Variants in ABHD2 observed in about 807,000 individuals in gnomAD.
ABHD2 encodes the protein monoacylglycerol lipase ABHD2.
ABHD2 carries 20 observed loss-of-function variants against 48.1 expected under a neutral mutation model. That is an observed-to-expected ratio of 0.42 (90% CI 0.29 to 0.60). ABHD2 has a LOEUF of 0.60. Ranked by LOEUF, ABHD2 falls within the 20% of genes least tolerant of loss-of-function variation. ABHD2 has a pLI of 0.24. For synonymous variants in ABHD2, 209 were observed against 214.2 expected, an observed-to-expected ratio of 0.98 and a Z score of 0.21; for missense variants, 405 against 550.9, an observed-to-expected ratio of 0.74 and a Z score of 2.65.
Position 89,164,254 on chromosome 15 carries a change from A to G in ABHD2, c.538+8720A>G, listed in dbSNP as rs1353201712. Among the ~76,000 whole-genome samples the G allele has an allele frequency of 1.3e-5, 2 of 152,182 alleles. No homozygotes were observed. Among genetic ancestry groups the G allele is most frequent in the East Asian group, 3.9e-4 (2 of 5,192 alleles). ...GAGGGTGCACAGTCACAGTCGGTCT[A>G]AGCTTATTGGCTAGGTTTGTCCAAA... On this transcript the variant is annotated intron_variant, in intron 5 of 10. Coordinates refer to ENST00000352732, the MANE Select transcript of ABHD2 (RefSeq NM_152924.5). The surrounding 1 kb of genome is among the most constrained non-coding windows in gnomAD (Gnocchi z 5.0).
chr15:89,152,114 C>T (rs2050602097), intron 4 of ABHD2, among the ~76,000 whole-genome samples: 1 of 150,076 alleles, frequency 6.7e-6, no homozygotes, highest in Non-Finnish European at 1.5e-5. Flanking sequence ...CTCGCTGTGT[C>T]GCCCAGGCTG....
At chr15:89,043,132 A>G in the ABHD2 span, among the ~76,000 whole-genome samples, 7 of 152,330 alleles carry the variant, frequency 4.6e-5, no homozygotes, top group African/African-American at 1.7e-4. Flanking sequence ...CCATGGGAGT[A>G]GCTAGGAAAA....
chr15:89,082,819 A>G (rs1264064666), upstream of ABHD2: 2 of 152,244 alleles, frequency 1.3e-5, no homozygotes, highest in Non-Finnish European at 2.9e-5. The surrounding 1 kb of genome is among the most constrained non-coding windows in gnomAD (Gnocchi z 4.4). Flanking sequence ...GTAAAATAAT[A>G]TAGGGGTCTC....
At chr15:89,150,196 T>A (rs1045746473) in intron 3 of ABHD2, among the ~76,000 whole-genome samples, 1 of 152,266 alleles carries the variant, frequency 6.6e-6, no homozygotes, top group African/African-American at 2.4e-5. Context: ...ATTTCCACTT[T>A]TAATTTATAA....
At chr15:89,194,721 C>A (rs566473591) in intron 10 of ABHD2, among the ~76,000 whole-genome samples, 1 of 152,298 alleles carries the variant, frequency 6.6e-6, no homozygotes, top group Admixed American at 6.5e-5. Context: ...AATCTCAGCT[C>A]CCACTTCAGG....
At position 89,176,212 on chromosome 15, in the gene ABHD2, G is replaced by T. The variant is rs2051010869; in HGVS notation, c.722+217G>T. Among the ~76,000 whole-genome samples the T allele has an allele frequency of 6.6e-6, 1 of 152,146 alleles. No individual in the cohort carries two copies. Among genetic ancestry groups the T allele is most frequent in the African/African-American group, 2.4e-5 (1 of 41,420 alleles). On this transcript the variant is annotated intron_variant, in intron 6 of 10. Transcript: ENST00000352732. This position sits in a 1 kb window ranked among gnomAD's most constrained non-coding sequence, Gnocchi z 4.5. ...CTGGGATATGCAGCTGCGTTTTGGG[G>T]TCAGATCTGTAATTGGAGAAGTAAA...
chr15:89,060,275 G>C, the ABHD2 span, among the ~76,000 whole-genome samples: 359 of 151,552 alleles, frequency 2.4e-3, 3 homozygotes, highest in East Asian at 0.02. Context: ...GTATTTAGTA[G>C]AGACAGGGTT....
intron 3 of ABHD2, among the ~76,000 whole-genome samples, chr15:89,131,184 G>A (rs1236970327): frequency 1.3e-5 from 2 of 152,138 alleles, no homozygotes; most frequent in Non-Finnish European, 2.9e-5. Flanking sequence ...CTCACTGTCT[G>A]TAGGGCGAGG....
chr15:89,055,578 G>A, the ABHD2 span, among the ~76,000 whole-genome samples: 3 of 152,082 alleles, frequency 2.0e-5, no homozygotes, highest in Middle Eastern at 3.4e-3. Context: ...CAAGCGATCC[G>A]CTGGCCTCGG....
At chr15:89,080,127 C>G in the ABHD2 span, among the ~76,000 whole-genome samples, 3 of 152,186 alleles carry the variant, frequency 2.0e-5, no homozygotes, top group Admixed American at 1.3e-4. Flanking sequence ...AGAGCAAAAG[C>G]TACTGCTCTG....
At chr15:89,077,483 A>G in the ABHD2 span, among the ~76,000 whole-genome samples, 2 of 152,180 alleles carry the variant, frequency 1.3e-5, no homozygotes, top group Non-Finnish European at 2.9e-5. Flanking sequence ...CATACTTAAG[A>G]ATGAGAATTA....
Position 89,168,638 on chromosome 15 carries a change from C to T in ABHD2, c.539-7174C>T, listed in dbSNP as rs1214328166. 6.6e-6 allele frequency among the ~76,000 whole-genome samples: 1 copy of T among 152,182 alleles called. No individual in the cohort carries two copies. The highest frequency in any genetic ancestry group is 1.5e-5 in the Non-Finnish European group (1 of 68,022). ...TTGGATTTAATTAAATTGAGGCTCCCAAAGTGCCTACACAATTAGCTGTAA... is the reference window on the plus strand; with the variant it reads ...TTGGATTTAATTAAATTGAGGCTCCTAAAGTGCCTACACAATTAGCTGTAA... On this transcript the variant is annotated intron_variant, in intron 5 of 10. Coordinates refer to ENST00000352732, the MANE Select transcript of ABHD2 (RefSeq NM_152924.5). This position sits in a 1 kb window ranked among gnomAD's most constrained non-coding sequence, Gnocchi z 4.8.
rs1188606912 is a variant in ABHD2, at chr15:89,104,336, CATCTGGGCTTGTTCTCATCCCTGCTGA to C, written c.-106-9386_-106-9360del. ...GAGCAAGTCTCTCCTTTGGCAAAAT[CATCTGGGCTTGTTCTCATCCCTGCTGA>C]ATTGGCAGGGGAGGAGAGGGTCGTG... On this transcript the variant is annotated intron_variant, in intron 1 of 10. Coordinates refer to ENST00000352732, the MANE Select transcript of ABHD2 (RefSeq NM_152924.5). The surrounding 1 kb of genome is among the most constrained non-coding windows in gnomAD (Gnocchi z 4.4). 3 of 152,248 alleles carry C rather than the reference CATCTGGGCTTGTTCTCATCCCTGCTGA, an allele frequency of 2.0e-5. No individual in the cohort carries two copies. Among genetic ancestry groups the C allele is most frequent in the Non-Finnish European group, 2.9e-5 (2 of 68,068 alleles). 9.4% of individuals were successfully genotyped at this position (152,248 alleles called of 1,614,324 possible). A position where few individuals can be genotyped will look rare whatever the true frequency, so the allele number is the denominator to read the frequency against.
At position 89,151,731 on chromosome 15, in the gene ABHD2, T is replaced by C; in HGVS notation, c.249T>C (p.Tyr83=). 1 of 1,614,198 alleles carries C rather than the reference T, an allele frequency of 6.2e-7. No homozygotes were observed. ...GKSGHIQTAL[Y]GKMGRVRSPH... is the part of the protein sequence containing the mutation. Reference sequence around the variant, plus strand: ...GTGGACACATCCAGACAGCCTTGTATGGGAAGATGGGAAGGGTGAGGTCGC... The same window carrying C: ...GTGGACACATCCAGACAGCCTTGTACGGGAAGATGGGAAGGGTGAGGTCGC... The change falls in exon 4 of 11, where the codon TAT becomes TAC. Residue 83 remains tyrosine, a synonymous_variant. Transcript: ENST00000352732. The surrounding 1 kb of genome is among the most constrained non-coding windows in gnomAD (Gnocchi z 4.7).
At chr15:89,043,622 C>T in the ABHD2 span, among the ~76,000 whole-genome samples, 5 of 90,134 alleles carry the variant, frequency 5.5e-5, no homozygotes, top group African/African-American at 8.6e-5. Flanking sequence ...GACGAGGAGG[C>T]GGAAGGAGGA....
chr15:89,046,155 C>A, the ABHD2 span, among the ~76,000 whole-genome samples: 3 of 152,140 alleles, frequency 2.0e-5, no homozygotes, highest in African/African-American at 7.2e-5. Context: ...TTGAGATAAT[C>A]ATGTGGTTTT....
At position 89,148,254 on chromosome 15, in the gene ABHD2, A is replaced by G. The variant is rs184690476; in HGVS notation, c.195-3423A>G. Among the ~76,000 whole-genome samples, 175 of 152,344 alleles carry G rather than the reference A, an allele frequency of 1.1e-3. 1 individual carries two copies. The highest frequency in any genetic ancestry group is 6.8e-3 in the Middle Eastern group (2 of 294). ...AACAATACTTATAAATCAATAGAAA[A>G]ATAGACAAAGGATATCAACAGACAG... On this transcript the variant is annotated intron_variant, in intron 3 of 10. Transcript: ENST00000352732.
At chr15:89,068,178 A>G in the ABHD2 span, among the ~76,000 whole-genome samples, 1 of 139,204 alleles carries the variant, frequency 7.2e-6, no homozygotes, top group Non-Finnish European at 1.5e-5. Context: ...ATTCTTATAC[A>G]TACACACATG....
chr15:89,121,804 TTATCC>T (rs1048113198), intron 3 of ABHD2, among the ~76,000 whole-genome samples: 2 of 152,176 alleles, frequency 1.3e-5, no homozygotes, highest in African/African-American at 4.8e-5. Flanking sequence ...AAAATGCCTC[TTATCC>T]TATAAGAAAA....
Sources: allele counts gnomAD v4.1 joint callset (sites outside exome capture counted in the v4.1 genomes callset), GRCh38; gene constraint gnomAD v4.1.1; non-coding constraint Gnocchi (gnomAD v3.1); transcripts MANE v1.5; gene names NCBI Gene and HGNC (gene_info 2026-07-23, HGNC 2026-07-21).